The following ALMS1 variants were observed in gnomAD, a reference collection of about 807,000 sequenced individuals.
ALMS1 encodes centrosome-associated protein ALMS1.
In ALMS1, 271 loss-of-function variants were observed where a neutral mutation model predicts 352.2. That is an observed-to-expected ratio of 0.77 (90% CI 0.70 to 0.85). The LOEUF (loss-of-function observed/expected upper bound fraction) is 0.85. Among genes scored for constraint, ALMS1 ranks in the 40% least tolerant of loss-of-function variants. The pLI, the probability that ALMS1 is intolerant of heterozygous loss-of-function variation, is 0.00. For synonymous variants in ALMS1, 1,865 were observed against 1,761.2 expected, an observed-to-expected ratio of 1.06 and a Z score of -1.48; for missense variants, 5,445 against 4,870.7, an observed-to-expected ratio of 1.12 and a Z score of -3.51.
intron 2 of ALMS1, among the ~76,000 whole-genome samples, chr2:73,413,655 T>A (rs1176887793): frequency 6.6e-6 from 1 of 152,226 alleles, no homozygotes; most frequent in Non-Finnish European, 1.5e-5. Context: ...TGAGAACCGC[T>A]TTTTCAGAAG....
rs1294461836 is a variant in ALMS1 at position 73,385,992 on chromosome 2, G to A, written c.124G>A (p.Val42Ile). ...AAAANVDDVV[V>I]VEEVEEEAGR... ...GGCGGCGAACGTGGACGACGTAGTG[G>A]TCGTGGAGGAGGTGGAGGAAGAGGC... The change falls in exon 1 of 23, where the codon GTC becomes ATC. Residue 42 changes from valine to isoleucine, a missense_variant. Val to Ile is a conservative substitution (Grantham distance 29, BLOSUM62 3). Coordinates refer to ENST00000613296, the MANE Select transcript of ALMS1 (RefSeq NM_001378454.1). 28 of 1,554,282 alleles carry A rather than the reference G, an allele frequency of 1.8e-5. No homozygotes were observed. The highest frequency in any genetic ancestry group is 2.3e-5 in the Non-Finnish European group (27 of 1,149,406).
intron 1 of ALMS1, among the ~76,000 whole-genome samples, chr2:73,396,933 C>T (rs1039334269): frequency 6.6e-6 from 1 of 152,088 alleles, no homozygotes. Context: ...CTTGAGCTAC[C>T]GCGCCCAGCC....
At chr2:73,463,440 A>G (rs1458027245) in intron 9 of ALMS1, among the ~76,000 whole-genome samples, 1 of 148,308 alleles carries the variant, frequency 6.7e-6, no homozygotes, top group Non-Finnish European at 1.5e-5. Flanking sequence ...TCTCTGGGAC[A>G]CATTCAAAGC....
intron 12 of ALMS1, among the ~76,000 whole-genome samples, chr2:73,539,405 T>C (rs1280279920): frequency 6.6e-6 from 1 of 151,998 alleles, no homozygotes; most frequent in Non-Finnish European, 1.5e-5. Context: ...CAAAGGTAGA[T>C]AAAACCACAG....
chr2:73,437,703 T>C (rs1671632600), intron 7 of ALMS1, among the ~76,000 whole-genome samples: 1 of 151,920 alleles, frequency 6.6e-6, no homozygotes, highest in South Asian at 2.1e-4. Flanking sequence ...TATTGTGCTG[T>C]ATGGGCTGAC....
At position 73,526,804 on chromosome 2, in the gene ALMS1, A is replaced by G. The variant is rs1490571791; in HGVS notation, c.9781+6788A>G. Among the ~76,000 whole-genome samples the G allele has an allele frequency of 2.6e-5, 4 of 152,158 alleles. No individual in the cohort carries two copies. In the East Asian group the frequency reaches 5.8e-4, roughly 22 times the overall value. On this transcript the variant is annotated intron_variant, in intron 11 of 22. Transcript: ENST00000613296. ...TGCTCGAGCTAGGACTTCCAGTGCT[A>G]TGTTGAATAACGGTTTTGAAAGTAG...
intron 10 of ALMS1, among the ~76,000 whole-genome samples, chr2:73,510,785 A>T (rs1373151638): frequency 6.6e-6 from 1 of 152,126 alleles, no homozygotes; most frequent in Admixed American, 6.5e-5. Context: ...GCAGGCAGGA[A>T]CGTTTAAGTC....
chr2:73,544,624 G>T (rs1674273452), intron 12 of ALMS1, among the ~76,000 whole-genome samples: 1 of 152,158 alleles, frequency 6.6e-6, no homozygotes, highest in South Asian at 2.1e-4. Flanking sequence ...AAATGGTATA[G>T]CCATTACGGA....
At chr2:73,454,539 C>A (rs1221802052) in intron 8 of ALMS1, 1 of 210,504 alleles carries the variant, frequency 4.8e-6, no homozygotes, top group Admixed American at 6.5e-5. Context: ...TCTAATAGAA[C>A]TCTTGGTGTT....
rs1173812703 is a variant in ALMS1 at position 73,452,533 on chromosome 2, T to C, written c.6006T>C (p.His2002=). 2 of 1,613,970 alleles carry C rather than the reference T, an allele frequency of 1.2e-6. No homozygotes were observed. Among genetic ancestry groups the C allele is most frequent in the African/African-American group, 1.3e-5 (1 of 74,924 alleles). ...AGAAACTCAAGATTTCAACTGTGCATATACCAGATGACCAGAAAACTGAGT... is the reference window on the plus strand; with the variant it reads ...AGAAACTCAAGATTTCAACTGTGCACATACCAGATGACCAGAAAACTGAGT... The part of the protein sequence containing the change: ...HKEKLKISTV[H]IPDDQKTEFP... The change falls in exon 8 of 23, where the codon CAT becomes CAC. Residue 2002 remains histidine (H), a synonymous_variant. Transcript: ENST00000613296.
intron 7 of ALMS1, among the ~76,000 whole-genome samples, chr2:73,441,602 T>G (rs1411026942): frequency 1.3e-5 from 2 of 150,962 alleles, no homozygotes; most frequent in Non-Finnish European, 2.9e-5. Flanking sequence ...GTTCCCTTTC[T>G]CCTTCCCACT....
Position 73,452,101 on chromosome 2 carries a change from C to T in ALMS1, c.5574C>T (p.Val1858=), listed in dbSNP as rs770709146. 1.9e-6 allele frequency: 3 copies of T among 1,613,922 alleles called. No individual in the cohort carries two copies. Among genetic ancestry groups the T allele is most frequent in the Non-Finnish European group, 2.5e-6 (3 of 1,179,976 alleles). The change falls in exon 8 of 23, where the codon GTC becomes GTT. Residue 1858 remains valine (V), a synonymous_variant. Transcript: ENST00000613296. ...SNSYPQREHS[V]ISYEQELPDL... is the part of the protein sequence containing the mutation. The stretch of plus-strand genomic sequence containing the variant: ...CCTACCCACAGAGAGAGCACTCTGT[C>T]ATTTCTTATGAGCAGGAGTTGCCAG...
chr2:73,418,851 A>G (rs1386007395), intron 2 of ALMS1, among the ~76,000 whole-genome samples: 1 of 152,174 alleles, frequency 6.6e-6, no homozygotes, highest in Non-Finnish European at 1.5e-5. Flanking sequence ...TCTATTTCAC[A>G]AGGGTAATTG....
Position 73,573,233 on chromosome 2 carries a change from G to C in ALMS1, c.11356G>C (p.Asp3786His). ...AAGGAGTAGCTCTGTTTCCACTATT[G>C]ACACTGCCCGGCTGATTCAAGCTTT... is the stretch of plus-strand genomic sequence containing the variant. ...HERSSSVSTI[D>H]TARLIQAFGH... The change falls in exon 16 of 23, where the codon GAC becomes CAC. Residue 3786 changes from aspartate to histidine, a missense_variant. By Grantham distance (81) the Asp-to-His change is moderately conservative. Coordinates refer to ENST00000613296, the MANE Select transcript of ALMS1 (RefSeq NM_001378454.1). 1 of 1,613,434 alleles carries C rather than the reference G, an allele frequency of 6.2e-7. No individual in the cohort carries two copies.
intron 21 of ALMS1, among the ~76,000 whole-genome samples, chr2:73,605,086 C>A (rs544577992): frequency 3.6e-4 from 55 of 152,252 alleles, no homozygotes; most frequent in East Asian, 2.7e-3. Flanking sequence ...ATGACTTTTA[C>A]TTGAAAGAGT....
At position 73,490,857 on chromosome 2, in the gene ALMS1, T is replaced by A. The variant is rs1572970207; in HGVS notation, c.8898T>A (p.Leu2966=). ...CAGACCTTCCGTCTCCCATTTCTCTTGAACAATGCCAAAGCAAAGCGCCAG... is the reference window on the plus strand; with the variant it reads ...CAGACCTTCCGTCTCCCATTTCTCTAGAACAATGCCAAAGCAAAGCGCCAG... ...IASDLPSPIS[L]EQCQSKAPGV... Residue 2966 remains leucine, a synonymous_variant, in exon 10 of 23, where the codon CTT becomes CTA. Coordinates refer to ENST00000613296, the MANE Select transcript of ALMS1 (RefSeq NM_001378454.1). The A allele has an allele frequency of 2.5e-6, 4 of 1,613,900 alleles. No individual in the cohort carries two copies. The highest frequency in any genetic ancestry group is 3.4e-6 in the Non-Finnish European group (4 of 1,180,004).
chr2:73,517,583 A>G (rs1374821888), intron 10 of ALMS1, among the ~76,000 whole-genome samples: 1 of 152,032 alleles, frequency 6.6e-6, no homozygotes, highest in Non-Finnish European at 1.5e-5. Context: ...CAAAAAAGAA[A>G]CACGTATAGT....
intron 9 of ALMS1, among the ~76,000 whole-genome samples, chr2:73,488,446 A>G (rs1257421522): frequency 6.6e-6 from 1 of 152,212 alleles, no homozygotes; most frequent in Non-Finnish European, 1.5e-5. Context: ...CTGAGCCTGC[A>G]GGGGCAGGGG....
chr2:73,583,958 A>C (rs956924532), intron 16 of ALMS1, among the ~76,000 whole-genome samples: 1 of 152,120 alleles, frequency 6.6e-6, no homozygotes, highest in Non-Finnish European at 1.5e-5. Flanking sequence ...TGTTTTGGCT[A>C]TTCAGGATTT....
Sources: gnomAD v4.1 joint callset for allele counts (sites outside exome capture counted in the v4.1 genomes callset) on GRCh38, gnomAD v4.1.1 for gene constraint, MANE v1.5 for transcripts, NCBI Gene and HGNC (gene_info 2026-07-23, HGNC 2026-07-21) for gene names.